ATAD2B: variants seen among roughly 807,000 people sequenced by gnomAD.
The protein encoded by ATAD2B is ATPase family AAA domain containing 2B.
Under a neutral mutation model 167.6 loss-of-function variants are expected in ATAD2B, and 40 were observed. The observed-to-expected ratio is 0.24, with a 90% CI of 0.19 to 0.31. The LOEUF (loss-of-function observed/expected upper bound fraction) is 0.31, where lower values mean the gene tolerates loss of function less well. Among genes scored for constraint, ATAD2B ranks in the 10% least tolerant of loss-of-function variants. The pLI is 1.00. For missense variants in ATAD2B, 1,242 were observed against 1,757.2 expected, an observed-to-expected ratio of 0.71 and a Z score of 5.24; for synonymous variants, 579 against 596.5, an observed-to-expected ratio of 0.97 and a Z score of 0.43.
intron 2 of ATAD2B, among the ~76,000 whole-genome samples, chr2:23,894,368 A>G (rs6740524): frequency 0.19 from 28,099 of 151,798 alleles, 2,694 homozygotes; most frequent in Middle Eastern, 0.26. Context: ...GTAATCCCAA[A>G]TACTCGGGAG....
chr2:23,924,108 C>CG (rs11436674), intron 1 of ATAD2B, among the ~76,000 whole-genome samples: 80,320 of 151,670 alleles, frequency 0.53, 22,315 homozygotes, highest in East Asian at 0.79. Context: ...GCGTGAACCC[C>CG]GGGGGGCGGA....
chr2:23,844,354 C>A (rs1315492807), intron 13 of ATAD2B, among the ~76,000 whole-genome samples: 2 of 149,830 alleles, frequency 1.3e-5, no homozygotes, highest in Non-Finnish European at 3.0e-5. Flanking sequence ...TATCTACTTA[C>A]AGTAACATAG....
the ATAD2B span, chr2:23,691,589 G>A: frequency 7.0e-5 from 80 of 1,146,094 alleles, no homozygotes; most frequent in Non-Finnish European, 8.9e-5. Context: ...GCATGACCAA[G>A]GTGTGCAGGG....
chr2:23,853,887 G>C (rs927480511), intron 13 of ATAD2B, among the ~76,000 whole-genome samples: 2 of 152,104 alleles, frequency 1.3e-5, no homozygotes, highest in Non-Finnish European at 2.9e-5. Context: ...TTTTGTCAAA[G>C]ACGTGCCAAG....
the ATAD2B span, among the ~76,000 whole-genome samples, chr2:23,682,513 A>C: frequency 4.6e-5 from 7 of 152,066 alleles, no homozygotes; most frequent in African/African-American, 1.4e-4. The surrounding 1 kb of genome is among the most constrained non-coding windows in gnomAD (Gnocchi z 4.1). Context: ...TAACCTTGCC[A>C]CTTCCTGTCC....
the ATAD2B span, among the ~76,000 whole-genome samples, chr2:23,728,093 T>C: frequency 2.6e-5 from 4 of 152,138 alleles, no homozygotes; most frequent in Admixed American, 2.0e-4. Flanking sequence ...TGCTTACCAA[T>C]TGTAACAAAT....
intron 18 of ATAD2B, among the ~76,000 whole-genome samples, chr2:23,802,303 G>C (rs1683623607): frequency 1.3e-5 from 2 of 151,854 alleles, no homozygotes; most frequent in African/African-American, 4.8e-5. Context: ...GTGCATTGCT[G>C]GTGGCTTTAT....
chr2:23,917,193 A>G (rs1171301141), intron 1 of ATAD2B, among the ~76,000 whole-genome samples: 3 of 152,248 alleles, frequency 2.0e-5, no homozygotes, highest in Non-Finnish European at 4.4e-5. Flanking sequence ...GAATGAACGA[A>G]CAAAGGAACA....
chr2:23,755,528 A>G (rs1675848075), intron 25 of ATAD2B, among the ~76,000 whole-genome samples: 1 of 152,102 alleles, frequency 6.6e-6, no homozygotes, highest in African/African-American at 2.4e-5. Context: ...AAGTAGGACT[A>G]CTCTTAAGAG....
intron 10 of ATAD2B, 105 bp downstream of exon 10, chr2:23,867,730 C>CA: frequency 1.3e-6 from 1 of 762,230 alleles, no homozygotes; most frequent in Non-Finnish European, 2.2e-6. Context: ...GAAACATTAA[C>CA]ACTGTCATAT....
intron 7 of ATAD2B, among the ~76,000 whole-genome samples, chr2:23,877,817 C>G (rs949424938): frequency 8.0e-5 from 12 of 149,430 alleles, no homozygotes; most frequent in Non-Finnish European, 1.5e-4. Flanking sequence ...CCAACAGCAC[C>G]ACTGCACTCC....
At chr2:23,715,821 G>A in the ATAD2B span, among the ~76,000 whole-genome samples, 1 of 152,030 alleles carries the variant, frequency 6.6e-6, no homozygotes, top group Non-Finnish European at 1.5e-5. Context: ...CCTTTCTTTG[G>A]TCCATTTTAA....
chr2:23,695,294 A>G, the ATAD2B span, among the ~76,000 whole-genome samples: 57 of 152,156 alleles, frequency 3.7e-4, no homozygotes, highest in African/African-American at 1.4e-3. This position sits in a 1 kb window ranked among gnomAD's most constrained non-coding sequence, Gnocchi z 7.6. Context: ...CCCTGCCCCC[A>G]GTGGCCTGAT....
chr2:23,911,488 A>C (rs1312672336), intron 1 of ATAD2B, among the ~76,000 whole-genome samples: 1 of 151,072 alleles, frequency 6.6e-6, no homozygotes, highest in Non-Finnish European at 1.5e-5. Flanking sequence ...CCAGAAGGTC[A>C]AGGCTGCAGT....
Position 23,765,596 on chromosome 2 carries a change from T to G in ATAD2B, c.3166A>C (p.Lys1056Gln), listed in dbSNP as rs771734012. The G allele has an allele frequency of 9.7e-5, 151 of 1,555,802 alleles. No individual in the cohort carries two copies. The highest frequency in any genetic ancestry group is 1.2e-4 in the Non-Finnish European group (139 of 1,145,842). ...KIIRHRACTL[K>Q]DTAHAIIAAE... ...GCAATGATAGCATGTGCAGTGTCCT[T>G]CAGGGTACAAGCCCTGTGCCTAATT... Residue 1056 changes from lysine (K) to glutamine (Q), a missense_variant, in exon 23 of 28, where the codon AAG becomes CAG. Coordinates refer to ENST00000238789, the MANE Select transcript of ATAD2B (RefSeq NM_017552.4).
At chr2:23,745,305 G>A (rs1456673861), downstream of ATAD2B, among the ~76,000 whole-genome samples, 4 of 150,976 alleles carry the variant, frequency 2.6e-5, no homozygotes, top group Admixed American at 1.3e-4. Context: ...AAGCACGCAC[G>A]CAAGAAAGAA....
intron 15 of ATAD2B, chr2:23,827,888 T>C (rs920429756): frequency 6.6e-6 from 1 of 152,648 alleles, no homozygotes; most frequent in African/African-American, 2.4e-5. Flanking sequence ...AATTTGGATG[T>C]AGCTAACTGA....
intron 4 of ATAD2B, among the ~76,000 whole-genome samples, chr2:23,887,394 T>A (rs537127433): frequency 1.6e-4 from 25 of 152,180 alleles, no homozygotes; most frequent in Admixed American, 9.8e-4. Flanking sequence ...TTTAAACAAA[T>A]ACTTAGATAA....
the ATAD2B span, among the ~76,000 whole-genome samples, chr2:23,736,927 A>G: frequency 6.6e-6 from 1 of 152,222 alleles, no homozygotes; most frequent in Non-Finnish European, 1.5e-5. Flanking sequence ...TCCTATGCCC[A>G]AGGAGTCTCC....
Sources: allele counts gnomAD v4.1 joint callset (sites outside exome capture counted in the v4.1 genomes callset), GRCh38; gene constraint gnomAD v4.1.1; non-coding constraint Gnocchi (gnomAD v3.1); transcripts MANE v1.5; gene names NCBI Gene and HGNC (gene_info 2026-07-23, HGNC 2026-07-21).